The following CABIN1 variants were observed in gnomAD, a reference collection of about 807,000 sequenced individuals.
CABIN1 encodes calcineurin-binding protein cabin-1.
A neutral mutation model predicts 227.7 loss-of-function variants in CABIN1; 133 were observed. The observed-to-expected ratio is 0.58, with a 90% CI of 0.51 to 0.67. CABIN1 has a LOEUF of 0.67. CABIN1 is among the 30% of genes least tolerant of loss of function. The probability of loss-of-function intolerance (pLI) is 0.00; values close to 1 mark genes in which losing one functional copy is unlikely to be tolerated. For missense variants in CABIN1, 2,408 were observed against 2,852.5 expected (o/e 0.84, Z 3.55); for synonymous variants, 1,086 against 1,155.1 (o/e 0.94, Z 1.21).
intron 1 of CABIN1, among the ~76,000 whole-genome samples, chr22:24,013,072 T>A (rs1170120043): frequency 1.3e-5 from 2 of 151,944 alleles, no homozygotes; most frequent in East Asian, 3.9e-4. Context: ...CAATAGCTTT[T>A]TTTTTTTTAA....
Position 24,166,658 on chromosome 22 carries a change from C to T in CABIN1, c.5027C>T (p.Pro1676Leu), listed in dbSNP as rs753534903. 1.2e-6 allele frequency: 2 copies of T among 1,612,844 alleles called. No individual in the cohort carries two copies. The highest frequency in any genetic ancestry group is 1.1e-5 in the South Asian group (1 of 91,082). The part of the protein sequence containing the change: ...ELAEGSERPG[P>L]KVCGLPGARM... ...TTGTAGGGGTCAGAACGCCCAGGGC[C>T]CAAGGTCTGTGGCCTCCCCGGAGCC... Residue 1676 changes from proline (P) to leucine (L), a missense_variant, in exon 32 of 37, where the codon CCC (proline) becomes CTC (leucine). This residue lies in a region of CABIN1 where 714 missense variants were observed against 773.8 expected (regional missense o/e 0.92). Coordinates refer to ENST00000263119, the MANE Select transcript of CABIN1 (RefSeq NM_012295.4).
intron 29 of CABIN1, chr22:24,155,945 G>T (rs1267034735): frequency 1.9e-6 from 1 of 513,256 alleles, no homozygotes; most frequent in African/African-American, 2.1e-5. Context: ...TTCCAGTAGA[G>T]TGCCGGCGCC....
rs1569159040 is a variant in CABIN1, at chr22:24,067,200, C to CCT, written c.2232+21_2232+22dup. 6.2e-7 allele frequency: 1 copy of CCT among 1,612,830 alleles called. No homozygotes were observed. The highest frequency in any genetic ancestry group is 1.7e-5 in the Admixed American group (1 of 60,014). On this transcript the variant is annotated intron_variant, in intron 16 of 36. Transcript: ENST00000263119. ...TCTGCAGGTGTGTGCTGCCAGTGTC[C>CCT]CTCACACCCACTTGCACCTTCTCTC...
At chr22:24,095,616 C>G (rs1327931721) in intron 24 of CABIN1, among the ~76,000 whole-genome samples, 5 of 152,184 alleles carry the variant, frequency 3.3e-5, no homozygotes, top group Admixed American at 1.3e-4. Context: ...AACAGCAGCA[C>G]TGTGGCGGGA....
At chr22:24,165,821 A>G (rs1303733522) in intron 31 of CABIN1, among the ~76,000 whole-genome samples, 195 bp downstream of exon 31, 1 of 152,218 alleles carries the variant, frequency 6.6e-6, no homozygotes, top group Non-Finnish European at 1.5e-5. Flanking sequence ...ACATGAATTC[A>G]GTGAGTCATG....
chr22:24,165,553 G>A lies in CABIN1; in HGVS notation c.4934G>A (p.Arg1645His). 1.9e-6 allele frequency: 3 copies of A among 1,613,114 alleles called. No individual in the cohort carries two copies. The highest frequency in any genetic ancestry group is 2.5e-6 in the Non-Finnish European group (3 of 1,179,962). Reference sequence around the variant, plus strand: ...AGGAAGTATCTGCGAGATGCTGACCGCCAGGTCCTGGCGCAGCGGGCCTTC... The same window carrying A: ...AGGAAGTATCTGCGAGATGCTGACCACCAGGTCCTGGCGCAGCGGGCCTTC... ...QGKKYLRDAD[R>H]QVLAQRAFIL... The change falls in exon 31 of 37, where the codon CGC becomes CAC. Residue 1645 changes from arginine to histidine, a missense_variant. Physicochemically the swap from Arg to His is conservative, Grantham distance 29. Around this residue, in one of 3 missense-constraint regions of CABIN1, gnomAD observed 649 missense variants for 910.3 expected, o/e 0.71. Transcript: ENST00000263119.
At chr22:24,019,217 G>A (rs1169345947) in intron 1 of CABIN1, among the ~76,000 whole-genome samples, 2 of 127,484 alleles carry the variant, frequency 1.6e-5, no homozygotes, top group South Asian at 2.7e-4. Context: ...TGCAACCTCC[G>A]CCTCCTGAGT....
At chr22:24,105,301 A>G (rs1399610340) in intron 26 of CABIN1, among the ~76,000 whole-genome samples, 1 of 152,242 alleles carries the variant, frequency 6.6e-6, no homozygotes, top group Non-Finnish European at 1.5e-5. Flanking sequence ...CTTGGCTGGC[A>G]GACGCACATC....
Position 24,156,416 on chromosome 22 carries a change from G to A in CABIN1, c.4747-7984G>A, listed in dbSNP as rs564152343. On this transcript the variant is annotated intron_variant, in intron 29 of 36. Transcript: ENST00000263119. The stretch of plus-strand genomic sequence containing the variant: ...CGGCGCGCGGGGGCGGCAGGCGCTG[G>A]TGAAGCCCGCACACGCGCCAGCGCA... 5.9e-3 allele frequency: 1,482 copies of A among 249,362 alleles called. 29 individuals are homozygous for A. The highest frequency in any genetic ancestry group is 0.032 in the African/African-American group (1,400 of 44,364). 15.4% of individuals were successfully genotyped at this position (249,362 alleles called of 1,614,324 possible).
rs963990174 is a variant in CABIN1, at chr22:24,049,341, A to G, written c.656+121A>G. 5.0e-5 allele frequency: 61 copies of G among 1,219,046 alleles called. No homozygotes were observed. In the African/African-American group the frequency reaches 8.6e-4, roughly 17 times the overall value. The allele number at this position is 1,219,046 out of a possible 1,614,324, so 75.5% of individuals were successfully genotyped here. ...TGGAGCCCCTGTGCTCTGGGGCTTCATGCCCTGCCGCAGCCCCTGATCTAG... is the reference window on the plus strand; with the variant it reads ...TGGAGCCCCTGTGCTCTGGGGCTTCGTGCCCTGCCGCAGCCCCTGATCTAG... On this transcript the variant is annotated intron_variant, in intron 7 of 36. Coordinates refer to ENST00000263119, the MANE Select transcript of CABIN1 (RefSeq NM_012295.4).
Position 24,177,519 on chromosome 22 carries a change from C to T in CABIN1, c.6221C>T (p.Pro2074Leu), listed in dbSNP as rs1227106945. The change falls in exon 36 of 37, where the codon CCT (proline) becomes CTT (leucine). Residue 2074 changes from proline (P) to leucine (L), a missense_variant. Physicochemically the swap from Pro to Leu is moderately conservative, Grantham distance 98. Around this residue, in one of 3 missense-constraint regions of CABIN1, gnomAD observed 714 missense variants for 773.8 expected, o/e 0.92. Coordinates refer to ENST00000263119, the MANE Select transcript of CABIN1 (RefSeq NM_012295.4). The surrounding 1 kb of genome is among the most constrained non-coding windows in gnomAD (Gnocchi z 4.4). ...TGTCTTCCAGAGGGGAAACTGAGGC[C>T]TGAGCCGAGAAGGGATGGGGAGGCT... ...PTCSQEGKLR[P>L]EPRRDGEAQE... The T allele has an allele frequency of 7.8e-6, 12 of 1,536,908 alleles. No individual in the cohort carries two copies. The highest frequency in any genetic ancestry group is 1.1e-5 in the Non-Finnish European group (12 of 1,140,044).
chr22:24,022,157 CT>C (rs1653723621), intron 1 of CABIN1, among the ~76,000 whole-genome samples: 1 of 151,512 alleles, frequency 6.6e-6, no homozygotes, highest in Admixed American at 6.6e-5. Flanking sequence ...ATTATTTGAC[CT>C]TTTTTGGAGT....
chr22:24,101,340 C>T (rs2042190343), intron 26 of CABIN1, among the ~76,000 whole-genome samples: 1 of 152,222 alleles, frequency 6.6e-6, no homozygotes, highest in Non-Finnish European at 1.5e-5. Flanking sequence ...TTGATAATAG[C>T]TGCTTCATAG....
chr22:24,083,220 C>T lies in CABIN1; in HGVS notation c.2749-8C>T, dbSNP rs1447502163. The T allele has an allele frequency of 1.1e-5, 17 of 1,611,964 alleles. No individual in the cohort carries two copies. The highest frequency in any genetic ancestry group is 1.2e-5 in the Non-Finnish European group (14 of 1,179,950). ...CTCACCTCAGGCCATCTCTTCTGCC[C>T]ACCACAGGTGCGAGTACTCCAGAAG... On this transcript the variant is annotated splice_region_variant and splice_polypyrimidine_tract_variant and intron_variant, in intron 19 of 36. Transcript: ENST00000263119.
chr22:24,135,549 A>G (rs2044345292), intron 29 of CABIN1, among the ~76,000 whole-genome samples: 1 of 151,854 alleles, frequency 6.6e-6, no homozygotes, highest in South Asian at 2.1e-4. Context: ...TTGATACCCC[A>G]CCTGGATCTA....
At chr22:24,138,179 T>C (rs149827256) in intron 29 of CABIN1, among the ~76,000 whole-genome samples, 79 of 152,332 alleles carry the variant, frequency 5.2e-4, no homozygotes, top group African/African-American at 1.8e-3. Context: ...AGTTGTAGTT[T>C]AGGAAAAATT....
chr22:24,094,171 C>T (rs1478112485), intron 24 of CABIN1, among the ~76,000 whole-genome samples: 2 of 152,196 alleles, frequency 1.3e-5, no homozygotes, highest in African/African-American at 4.8e-5. Flanking sequence ...GCCAGATGCC[C>T]ACTGAGCCCA....
chr22:24,029,591 AT>A (rs1177911865), intron 1 of CABIN1, among the ~76,000 whole-genome samples: 3 of 151,644 alleles, frequency 2.0e-5, no homozygotes, highest in Non-Finnish European at 4.4e-5. Context: ...AGTAAAGGGG[AT>A]TATACAGTAC....
At chr22:24,055,280 A>C in intron 9 of CABIN1, 121 bp downstream of exon 9, 2 of 1,168,132 alleles carry the variant, frequency 1.7e-6, no homozygotes, top group East Asian at 5.1e-5. Flanking sequence ...CTCATGACTC[A>C]AGTGGAAGTG....
Sources: allele counts gnomAD v4.1 joint callset (sites outside exome capture counted in the v4.1 genomes callset), GRCh38; gene constraint gnomAD v4.1.1; regional missense constraint gnomAD v4.1.1; non-coding constraint Gnocchi (gnomAD v3.1); transcripts MANE v1.5; gene names NCBI Gene and HGNC (gene_info 2026-07-23, HGNC 2026-07-21).